The following MLPH variants were observed in gnomAD, a reference collection of about 807,000 sequenced individuals.
MLPH encodes exophilin-3.
MLPH carries 51 observed loss-of-function variants against 72.1 expected under a neutral mutation model. The observed-to-expected ratio is 0.71, with a 90% confidence interval of 0.56 to 0.89. The LOEUF (loss-of-function observed/expected upper bound fraction) is 0.89, where lower values mean the gene tolerates loss of function less well. Among genes scored for constraint, MLPH ranks in the 40% least tolerant of loss-of-function variants. The pLI is 0.00. For synonymous variants in MLPH, 301 were observed against 310.1 expected (o/e 0.97, Z 0.31); for missense variants, 743 against 759.9 (o/e 0.98, Z 0.26).
At position 237,493,331 on chromosome 2, in the gene MLPH, C is replaced by T. The variant is rs1309881176; in HGVS notation, c.-24-72C>T. ...AGAAGTCAGCAGCGTTCTGTGTTGTCTCTTACTCTGTGACTTGATTGGTAT... is the reference window on the plus strand; with the variant it reads ...AGAAGTCAGCAGCGTTCTGTGTTGTTTCTTACTCTGTGACTTGATTGGTAT... On this transcript the variant is annotated intron_variant, in intron 1 of 15. Transcript: ENST00000264605. The T allele has an allele frequency of 1.0e-5, 10 of 974,400 alleles. No homozygotes were observed. The East Asian group carries it at 1.9e-4, about 19-fold the overall frequency. 60.4% of individuals were successfully genotyped at this position (974,400 alleles called of 1,614,324 possible). A position where few individuals can be genotyped will look rare whatever the true frequency, so the allele number is the denominator to read the frequency against.
chr2:237,509,359 CAG>C (rs974499356), intron 2 of MLPH, among the ~76,000 whole-genome samples: 3 of 152,152 alleles, frequency 2.0e-5, no homozygotes, highest in African/African-American at 7.2e-5. Context: ...TGCTGGCCCT[CAG>C]GGTACCGTTC....
At chr2:237,552,578 A>G (rs756791662) in intron 15 of MLPH, 141 bp downstream of exon 15, 7 of 723,876 alleles carry the variant, frequency 9.7e-6, no homozygotes, top group Admixed American at 5.2e-5. Context: ...AGCAAAAAGT[A>G]AAGTAAAATC....
rs79618460 is a variant in MLPH, at chr2:237,511,316, T to C, written c.445+215T>C. 46,700 of 484,062 alleles carry C rather than the reference T, an allele frequency of 0.096. 2,763 individuals are homozygous for C. The highest frequency in any genetic ancestry group is 0.12 in the Non-Finnish European group (33,129 of 265,852). 30.0% of individuals were successfully genotyped at this position (484,062 alleles called of 1,614,324 possible). A position where few individuals can be genotyped will look rare whatever the true frequency, so the allele number is the denominator to read the frequency against. On this transcript the variant is annotated intron_variant, in intron 4 of 15. Coordinates refer to ENST00000264605, the MANE Select transcript of MLPH (RefSeq NM_024101.7). ...TGTAGAGACAGGCATCTCACCATGTTTCCCAGACTGGCCTCGAACTCCTGG... is the reference window on the plus strand; with the variant it reads ...TGTAGAGACAGGCATCTCACCATGTCTCCCAGACTGGCCTCGAACTCCTGG...
At chr2:237,524,753 T>TGGGCACAGAGCCAGGCCC (rs2106336837) in intron 6 of MLPH, among the ~76,000 whole-genome samples, 1 of 150,482 alleles carries the variant, frequency 6.6e-6, no homozygotes, top group East Asian at 1.9e-4. Flanking sequence ...AAGGTAACTA[T>TGGGCACAGAGCCAGGCCC]GGGCACAGAG....
intron 6 of MLPH, among the ~76,000 whole-genome samples, chr2:237,521,253 G>GTAATA (rs1284687165): frequency 6.6e-6 from 1 of 152,214 alleles, no homozygotes; most frequent in East Asian, 1.9e-4. Flanking sequence ...GGCAATAAGA[G>GTAATA]TAATAGAAAG....
chr2:237,518,485 G>A, intron 4 of MLPH, 54 bp from the exon 5 acceptor site: 2 of 1,454,476 alleles, frequency 1.4e-6, no homozygotes, highest in Non-Finnish European at 1.9e-6. Flanking sequence ...CTGACAAATG[G>A]CTTGTTCCCA....
Position 237,518,634 on chromosome 2 carries a change from C to T in MLPH, c.541C>T (p.Pro181Ser), listed in dbSNP as rs940069797. 3 of 1,612,702 alleles carry T rather than the reference C, an allele frequency of 1.9e-6. No individual in the cohort carries two copies. The highest frequency in any genetic ancestry group is 1.3e-5 in the African/African-American group (1 of 74,838). The change falls in exon 5 of 16, where the codon CCC becomes TCC. Residue 181 changes from proline (P) to serine (S), a missense_variant. Physicochemically the swap from Pro to Ser is moderately conservative, Grantham distance 74. Transcript: ENST00000264605. ...CTCAGAGGCCCAGGCCCAGGCCCAG[C>T]CCTTTGGCAGCAAAGTAAGTCATCT... ...PGSEAQAQAQ[P>S]FGSKKKRLLS...
intron 6 of MLPH, among the ~76,000 whole-genome samples, chr2:237,523,105 G>T (rs1451266653): frequency 6.6e-6 from 1 of 152,194 alleles, no homozygotes; most frequent in Non-Finnish European, 1.5e-5. Context: ...ATCGGATAAT[G>T]AATAGTGCTG....
chr2:237,500,397 A>G (rs2079621784), intron 2 of MLPH, among the ~76,000 whole-genome samples: 1 of 152,240 alleles, frequency 6.6e-6, no homozygotes, highest in African/African-American at 2.4e-5. Context: ...ACCCAAGGCT[A>G]TGGAGCACCA....
chr2:237,486,622 A>G (rs981664389), upstream of MLPH: 2 of 152,162 alleles, frequency 1.3e-5, no homozygotes, highest in Non-Finnish European at 2.9e-5. Context: ...CATCTGCCCC[A>G]TTTGCCCGCG....
chr2:237,494,804 G>A (rs1410960617), intron 2 of MLPH, among the ~76,000 whole-genome samples: 2 of 152,336 alleles, frequency 1.3e-5, no homozygotes, highest in African/African-American at 2.4e-5. Context: ...GAGGAGATGC[G>A]TTACGAGAGC....
At chr2:237,507,857 C>T (rs1478372312) in intron 2 of MLPH, among the ~76,000 whole-genome samples, 1 of 152,212 alleles carries the variant, frequency 6.6e-6, no homozygotes, top group African/African-American at 2.4e-5. Flanking sequence ...GTTCATCTCT[C>T]TGTTGTTCTC....
At chr2:237,525,431 CTT>C (rs1392525474) in intron 6 of MLPH, among the ~76,000 whole-genome samples, 168 bp from the exon 7 acceptor site, 5 of 152,228 alleles carry the variant, frequency 3.3e-5, no homozygotes, top group Non-Finnish European at 7.3e-5. Context: ...TAGGCACAGT[CTT>C]TGAAATTAAA....
rs2080694548 is a variant in MLPH, at chr2:237,541,856, CG to C, written c.1447-707del. On this transcript the variant is annotated intron_variant, in intron 11 of 15. Transcript: ENST00000264605. This position sits in a 1 kb window ranked among gnomAD's most constrained non-coding sequence, Gnocchi z 5.1. ...AGTGAAGGTGAGCCCCTAGAGTGCT[CG>C]GGGCAGGGCGATTGAGATAAGGCAG... 6.6e-6 allele frequency among the ~76,000 whole-genome samples: 1 copy of C among 152,150 alleles called. No homozygotes were observed. Among genetic ancestry groups the C allele is most frequent in the Non-Finnish European group, 1.5e-5 (1 of 68,032 alleles).
At chr2:237,530,816 C>T (rs954846667) in intron 8 of MLPH, among the ~76,000 whole-genome samples, 2 of 152,200 alleles carry the variant, frequency 1.3e-5, no homozygotes, top group African/African-American at 4.8e-5. Flanking sequence ...ACTGGCTTGG[C>T]CCCTGCAGTT....
chr2:237,546,472 G>A (rs2080920580), intron 12 of MLPH, 134 bp from the exon 13 acceptor site: 2 of 766,736 alleles, frequency 2.6e-6, no homozygotes, highest in East Asian at 2.6e-5. Context: ...TACTGGGGGT[G>A]GCTGTGCAGT....
At chr2:237,499,751 TG>T (rs1177918272) in intron 2 of MLPH, among the ~76,000 whole-genome samples, 1 of 152,152 alleles carries the variant, frequency 6.6e-6, no homozygotes, top group African/African-American at 2.4e-5. Context: ...ACTTTTTTTT[TG>T]TTTGTTTTGT....
intron 2 of MLPH, among the ~76,000 whole-genome samples, chr2:237,500,906 CACTT>C (rs1255610497): frequency 6.6e-6 from 1 of 152,110 alleles, no homozygotes; most frequent in African/African-American, 2.4e-5. Flanking sequence ...CCCACACACA[CACTT>C]ACTCTTCTCT....
rs906370246 is a variant in MLPH, at chr2:237,512,090, C to T, written c.445+989C>T. ...AAGACCAAGGCGAGTTTCTCCAGGG[C>T]CACGAGGCAGCGCCTGGCTCCGGCA... On this transcript the variant is annotated intron_variant, in intron 4 of 15. Coordinates refer to ENST00000264605, the MANE Select transcript of MLPH (RefSeq NM_024101.7). The surrounding 1 kb of genome is among the most constrained non-coding windows in gnomAD (Gnocchi z 5.5). Among the ~76,000 whole-genome samples, 4 of 152,216 alleles carry T rather than the reference C, an allele frequency of 2.6e-5. No homozygotes were observed. The highest frequency in any genetic ancestry group is 9.6e-5 in the African/African-American group (4 of 41,458).
Sources: gnomAD v4.1 joint callset for allele counts (sites outside exome capture counted in the v4.1 genomes callset) on GRCh38, gnomAD v4.1.1 for gene constraint, Gnocchi (gnomAD v3.1) non-coding constraint, MANE v1.5 for transcripts, NCBI Gene and HGNC (gene_info 2026-07-23, HGNC 2026-07-21) for gene names.